The following FAM168B variants were observed in gnomAD, a reference collection of about 807,000 sequenced individuals.
FAM168B encodes family with sequence similarity 168 member B, also known as myelin-associated neurite-outgrowth inhibitor.
A neutral mutation model predicts 21.8 loss-of-function variants in FAM168B; 19 were observed. The observed-to-expected ratio is 0.87, with a 90% CI of 0.61 to 1.28. FAM168B has a LOEUF of 1.28. Among genes scored for constraint, FAM168B ranks in the 50% most tolerant of loss-of-function variants. The pLI is 0.00. For missense variants in FAM168B, 233 were observed against 263.1 expected (o/e 0.89, Z 0.79); for synonymous variants, 126 against 104.8 (o/e 1.20, Z -1.24).
At chr2:131,061,908 C>A (rs1692318912) in intron 3 of FAM168B, among the ~76,000 whole-genome samples, 1 of 152,018 alleles carries the variant, frequency 6.6e-6, no homozygotes, top group African/African-American at 2.4e-5. Flanking sequence ...GGCAGTTAGG[C>A]ATAGGCTGGA....
Position 131,049,538 on chromosome 2 carries a change from C to G in FAM168B, c.*2927G>C, listed in dbSNP as rs1330304640. On this transcript the variant is annotated 3_prime_UTR_variant, in exon 7 of 7. Transcript: ENST00000389915. Reference sequence around the variant, plus strand: ...CAAGTTCATGGGTCACTGGCTCACACTAAATGCTCAGCCGCCAGCACAGAT... The same window carrying G: ...CAAGTTCATGGGTCACTGGCTCACAGTAAATGCTCAGCCGCCAGCACAGAT... 1.0e-6 allele frequency: 1 copy of G among 985,364 alleles called. No homozygotes were observed. The highest frequency in any genetic ancestry group is 4.7e-5 in the South Asian group (1 of 21,296). 61.0% of individuals were successfully genotyped at this position (985,364 alleles called of 1,614,324 possible). A position where few individuals can be genotyped will look rare whatever the true frequency, so the allele number is the denominator to read the frequency against.
chr2:131,063,504 A>C (rs1244131523), intron 3 of FAM168B, among the ~76,000 whole-genome samples: 1 of 152,180 alleles, frequency 6.6e-6, no homozygotes, highest in Non-Finnish European at 1.5e-5. Context: ...TGGGGCCAAG[A>C]GCTATGGTGC....
Position 131,048,473 on chromosome 2 carries a change from TCCTGTGGA to T in FAM168B, c.*3984_*3991del. ...CCCTTCCCAAGTGACTTCACTTCAG[TCCTGTGGA>T]CCAAGATAAGGCTATCCCCACAGGC... On this transcript the variant is annotated 3_prime_UTR_variant, in exon 7 of 7. Coordinates refer to ENST00000389915, the MANE Select transcript of FAM168B (RefSeq NM_001009993.4). 1.7e-6 allele frequency: 2 copies of T among 1,167,836 alleles called. No homozygotes were observed. Among genetic ancestry groups the T allele is most frequent in the Middle Eastern group, 7.9e-4 (2 of 2,530 alleles). 72.3% of individuals were successfully genotyped at this position (1,167,836 alleles called of 1,614,324 possible).
intron 2 of FAM168B, among the ~76,000 whole-genome samples, chr2:131,074,733 ATC>A (rs2105536280): frequency 6.6e-6 from 1 of 152,184 alleles, no homozygotes; most frequent in African/African-American, 2.4e-5. Flanking sequence ...AACAGGGGGG[ATC>A]TGAGTGGAAT....
rs1692138273 is a variant in FAM168B at position 131,058,539 on chromosome 2, A to G, written c.155-2844T>C. ...CCTCAGCTAGTCTCCATTTGAAGAA[A>G]GAAAAGATTCCTCCAGGGCTCCCTG... On this transcript the variant is annotated intron_variant, in intron 3 of 6. Transcript: ENST00000389915. 2.0e-5 allele frequency among the ~76,000 whole-genome samples: 3 copies of G among 152,240 alleles called. 1 individual carries two copies. Among genetic ancestry groups the G allele is most frequent in the Admixed American group, 2.0e-4 (3 of 15,284 alleles).
chr2:131,053,543 C>T (rs1691823325), intron 5 of FAM168B, among the ~76,000 whole-genome samples: 1 of 152,140 alleles, frequency 6.6e-6, no homozygotes, highest in South Asian at 2.1e-4. Flanking sequence ...TGTTTCACAA[C>T]AATGTGAATA....
intron 3 of FAM168B, among the ~76,000 whole-genome samples, chr2:131,056,368 T>C (rs996445056): frequency 6.6e-6 from 1 of 151,950 alleles, no homozygotes; most frequent in Non-Finnish European, 1.5e-5. Flanking sequence ...TGTTGAAGCC[T>C]GGCAAGCTGA....
At chr2:131,074,161 G>A (rs755335477) in intron 2 of FAM168B, among the ~76,000 whole-genome samples, 34 of 152,112 alleles carry the variant, frequency 2.2e-4, no homozygotes, top group Non-Finnish European at 4.4e-4. Context: ...ACAGAGTCTC[G>A]CTCTGTTGCC....
At position 131,070,638 on chromosome 2, in the gene FAM168B, T is replaced by C. The variant is rs558282281; in HGVS notation, c.154+1217A>G. Among the ~76,000 whole-genome samples the C allele has an allele frequency of 5.6e-4, 86 of 152,314 alleles. 1 individual carries two copies. The highest frequency in any genetic ancestry group is 1.7e-3 in the African/African-American group (70 of 41,564). ...CATTTTCATTTGTAATAGCCCAAAATTGCAAATAACCCAAATGTTCATCAC... is the reference window on the plus strand; with the variant it reads ...CATTTTCATTTGTAATAGCCCAAAACTGCAAATAACCCAAATGTTCATCAC... On this transcript the variant is annotated intron_variant, in intron 3 of 6. Transcript: ENST00000389915.
chr2:131,080,098 CA>C (rs1182892990), intron 2 of FAM168B, among the ~76,000 whole-genome samples: 17 of 149,588 alleles, frequency 1.1e-4, no homozygotes, highest in Admixed American at 3.3e-4. Flanking sequence ...GCCTGGGCAA[CA>C]AGAGTGAAAC....
At position 131,048,846 on chromosome 2, in the gene FAM168B, G is replaced by A; in HGVS notation, c.*3619C>T. The A allele has an allele frequency of 1.0e-6, 1 of 986,242 alleles. No homozygotes were observed. Among genetic ancestry groups the A allele is most frequent in the Non-Finnish European group, 1.2e-6 (1 of 830,236 alleles). The allele number at this position is 986,242 out of a possible 1,614,324, so 61.1% of individuals were successfully genotyped here. ...GCCACCCACCTCAAGCCACACCCCTGCCACCTGCTGCTGCGCCCAATGGAG... is the reference window on the plus strand; with the variant it reads ...GCCACCCACCTCAAGCCACACCCCTACCACCTGCTGCTGCGCCCAATGGAG... On this transcript the variant is annotated 3_prime_UTR_variant, in exon 7 of 7. Transcript: ENST00000389915.
intron 1 of FAM168B, among the ~76,000 whole-genome samples, chr2:131,092,380 TA>T (rs1188738921): frequency 6.6e-6 from 1 of 152,220 alleles, no homozygotes; most frequent in Non-Finnish European, 1.5e-5. Flanking sequence ...TACAAGAGCT[TA>T]AAAATGTGTC....
chr2:131,070,219 G>A (rs1269322427), intron 3 of FAM168B, among the ~76,000 whole-genome samples: 2 of 152,100 alleles, frequency 1.3e-5, no homozygotes, highest in African/African-American at 2.4e-5. Context: ...GCCACAGACT[G>A]GGAGAAAACA....
Position 131,048,752 on chromosome 2 carries a change from T to C in FAM168B, c.*3713A>G, listed in dbSNP as rs927207431. 2 of 986,552 alleles carry C rather than the reference T, an allele frequency of 2.0e-6. No individual in the cohort carries two copies. Among genetic ancestry groups the C allele is most frequent in the Non-Finnish European group, 2.4e-6 (2 of 830,640 alleles). The allele number at this position is 986,552 out of a possible 1,614,324, so 61.1% of individuals were successfully genotyped here. On this transcript the variant is annotated 3_prime_UTR_variant, in exon 7 of 7. Coordinates refer to ENST00000389915, the MANE Select transcript of FAM168B (RefSeq NM_001009993.4). ...GAGGGGAGAAATACGTGCTCTGCCTTCCCCCAGGCCAACCACACTCTGCTT... is the reference window on the plus strand; with the variant it reads ...GAGGGGAGAAATACGTGCTCTGCCTCCCCCCAGGCCAACCACACTCTGCTT...
At chr2:131,055,020 C>T (rs971425121) in intron 5 of FAM168B, among the ~76,000 whole-genome samples, 19 of 152,246 alleles carry the variant, frequency 1.2e-4, no homozygotes, top group African/African-American at 4.3e-4. Context: ...AGAGGGGGCA[C>T]ATCCTGCATT....
chr2:131,051,650 G>A lies in FAM168B; in HGVS notation c.*815C>T. The A allele has an allele frequency of 1.0e-6, 1 of 985,294 alleles. No individual in the cohort carries two copies. Among genetic ancestry groups the A allele is most frequent in the East Asian group, 1.1e-4 (1 of 8,806 alleles). The allele number at this position is 985,294 out of a possible 1,614,324, so 61.0% of individuals were successfully genotyped here. A position where few individuals can be genotyped will look rare whatever the true frequency, so the allele number is the denominator to read the frequency against. On this transcript the variant is annotated 3_prime_UTR_variant, in exon 7 of 7. Transcript: ENST00000389915. ...ATATAAAAACATCATCTCTCTAAGAGAACTGTAATGAAAATTTAGATAGCA... is the reference window on the plus strand; with the variant it reads ...ATATAAAAACATCATCTCTCTAAGAAAACTGTAATGAAAATTTAGATAGCA...
intron 1 of FAM168B, 72 bp from the exon 2 acceptor site, chr2:131,082,729 A>C: frequency 1.1e-6 from 1 of 929,412 alleles, no homozygotes. Context: ...AGTCCCCAAA[A>C]AGCAGGTAGC....
At chr2:131,055,749 G>T in intron 3 of FAM168B, 54 bp from the exon 4 acceptor site, 1 of 1,589,870 alleles carries the variant, frequency 6.3e-7, no homozygotes, top group South Asian at 1.1e-5. Flanking sequence ...CAGGCGCAGG[G>T]AGAGGACACA....
intron 2 of FAM168B, among the ~76,000 whole-genome samples, chr2:131,072,395 A>AT (rs1464558650): frequency 6.6e-6 from 1 of 152,028 alleles, no homozygotes; most frequent in African/African-American, 2.4e-5. Context: ...AAGTGCTGGG[A>AT]TTATAGGTGT....
Sources: allele counts gnomAD v4.1 joint callset (sites outside exome capture counted in the v4.1 genomes callset), GRCh38; gene constraint gnomAD v4.1.1; transcripts MANE v1.5; gene names NCBI Gene and HGNC (gene_info 2026-07-23, HGNC 2026-07-21).